Variants in ETFDH observed in about 807,000 individuals in gnomAD.
The protein encoded by ETFDH is electron transfer flavoprotein dehydrogenase, also known as electron transfer flavoprotein-ubiquinone oxidoreductase, mitochondrial.
ETFDH carries 61 observed loss-of-function variants against 73.2 expected under a neutral mutation model. That is an observed-to-expected ratio of 0.83 (90% CI 0.68 to 1.03). The LOEUF is 1.03. Ranked by LOEUF, ETFDH falls within the 50% of genes least tolerant of loss-of-function variation. The pLI, the probability that ETFDH is intolerant of heterozygous loss-of-function variation, is 0.00. For missense variants in ETFDH, 685 were observed against 745.0 expected, an observed-to-expected ratio of 0.92 and a Z score of 0.94; for synonymous variants, 243 against 253.3, an observed-to-expected ratio of 0.96 and a Z score of 0.39.
At chr4:158,692,968 T>C (rs1457483309) in intron 6 of ETFDH, among the ~76,000 whole-genome samples, 1 of 151,614 alleles carries the variant, frequency 6.6e-6, no homozygotes, top group Non-Finnish European at 1.5e-5. Context: ...GTTGTATTTA[T>C]ACAGATCTAA....
At chr4:158,690,091 C>G (rs957837958) in intron 5 of ETFDH, among the ~76,000 whole-genome samples, 15 of 152,216 alleles carry the variant, frequency 9.9e-5, no homozygotes, top group Middle Eastern at 3.4e-3. Flanking sequence ...AGTAATCTCT[C>G]TAGTAGTCTC....
At chr4:158,698,919 G>C in intron 8 of ETFDH, 68 bp from the exon 9 acceptor site, 1 of 1,139,960 alleles carries the variant, frequency 8.8e-7, no homozygotes. Flanking sequence ...GATAAACATT[G>C]CTTACATTTT....
intron 1 of ETFDH, among the ~76,000 whole-genome samples, chr4:158,678,004 A>C (rs935160354): frequency 1.1e-4 from 16 of 152,230 alleles, no homozygotes; most frequent in Non-Finnish European, 1.5e-4. Flanking sequence ...TTATCACCAT[A>C]ATCTTTTTAA....
intron 5 of ETFDH, among the ~76,000 whole-genome samples, chr4:158,687,503 A>G (rs1774036192): frequency 6.6e-6 from 1 of 152,182 alleles, no homozygotes; most frequent in African/African-American, 2.4e-5. Context: ...TTCAGCCATG[A>G]CGGTACATAA....
Position 158,684,484 on chromosome 4 carries a change from G to A in ETFDH, c.406-108G>A, listed in dbSNP as rs1000355136. On this transcript the variant is annotated intron_variant, in intron 3 of 12. Coordinates refer to ENST00000511912, the MANE Select transcript of ETFDH (RefSeq NM_004453.4). ...AAGGAAATGCCAAAAGAAAATTAGG[G>A]GGGAGTTCTTTTTTTGTCATCAGAG... 8 of 654,056 alleles carry A rather than the reference G, an allele frequency of 1.2e-5. No individual in the cohort carries two copies. The African/African-American group carries it at 1.3e-4, about 11-fold the overall frequency. 40.5% of individuals were successfully genotyped at this position (654,056 alleles called of 1,614,324 possible).
chr4:158,697,188 G>A (rs957493814), intron 7 of ETFDH, among the ~76,000 whole-genome samples: 5 of 151,782 alleles, frequency 3.3e-5, no homozygotes, highest in Admixed American at 2.6e-4. Flanking sequence ...TCTGCCTCCC[G>A]GGTTCAAGCA....
At chr4:158,676,212 A>T (rs1773707422) in intron 1 of ETFDH, among the ~76,000 whole-genome samples, 1 of 152,094 alleles carries the variant, frequency 6.6e-6, no homozygotes, top group Admixed American at 6.5e-5. Context: ...GGGAGTGCCA[A>T]TTGGTCAGGT....
chr4:158,674,434 T>A (rs1014246129), intron 1 of ETFDH, among the ~76,000 whole-genome samples: 46 of 152,320 alleles, frequency 3.0e-4, no homozygotes, highest in African/African-American at 1.1e-3. Context: ...GCTTCCGTAG[T>A]ACCTGGGATC....
chr4:158,687,910 C>T (rs1022418934), intron 5 of ETFDH, among the ~76,000 whole-genome samples: 3 of 151,438 alleles, frequency 2.0e-5, no homozygotes, highest in Non-Finnish European at 2.9e-5. Flanking sequence ...CATGGCGGCA[C>T]GTGCCTGTAA....
intron 6 of ETFDH, among the ~76,000 whole-genome samples, chr4:158,694,986 G>A (rs1312131078): frequency 6.6e-6 from 1 of 151,986 alleles, no homozygotes; most frequent in East Asian, 1.9e-4. Context: ...ATGAAAAATC[G>A]GTCTTCCATA....
Position 158,690,519 on chromosome 4 carries a change from A to AG in ETFDH, c.684+95dup, listed in dbSNP as rs1774137865. 1.9e-4 allele frequency: 160 copies of AG among 845,524 alleles called. 3 individuals carry two copies. The highest frequency in any genetic ancestry group is 1.9e-3 in the South Asian group (142 of 75,426). The allele number at this position is 845,524 out of a possible 1,614,324, so 52.4% of individuals were successfully genotyped here. On this transcript the variant is annotated intron_variant, in intron 6 of 12. Coordinates refer to ENST00000511912, the MANE Select transcript of ETFDH (RefSeq NM_004453.4). ...AGTGAAACCCCATCTCTCCAAAAAAAGAAAACAAAATTAGCTGGGCTTCGT... is the reference window on the plus strand; with the variant it reads ...AGTGAAACCCCATCTCTCCAAAAAAAGGAAAACAAAATTAGCTGGGCTTCGT...
At chr4:158,695,233 C>G (rs1774278801) in intron 6 of ETFDH, among the ~76,000 whole-genome samples, 1 of 152,154 alleles carries the variant, frequency 6.6e-6, no homozygotes, top group Admixed American at 6.5e-5. Flanking sequence ...TATCCTGTCT[C>G]TCTACATGGA....
chr4:158,680,362 A>G (rs1026438581), intron 1 of ETFDH, 105 bp from the exon 2 acceptor site: 1 of 740,188 alleles, frequency 1.4e-6, no homozygotes, highest in Non-Finnish European at 2.4e-6. Flanking sequence ...AGATTATAGT[A>G]TATTTCACTA....
At position 158,706,670 on chromosome 4, in the gene ETFDH, C is replaced by G. The variant is rs1030030875; in HGVS notation, c.1510C>G (p.Pro504Ala). Residue 504 changes from proline to alanine, a missense_variant, in exon 12 of 13, where the codon CCT becomes GCT. This residue lies in a region of ETFDH where 201 missense variants were observed against 225.2 expected (regional missense o/e 0.89). Coordinates refer to ENST00000511912, the MANE Select transcript of ETFDH (RefSeq NM_004453.4). ...ERLKPAKDCT[P>A]IEYPKPDGQI... ...GCTCAAGCCAGCCAAGGATTGCACACCTATTGAGTATCCAAAACCCGATGG... is the reference window on the plus strand; with the variant it reads ...GCTCAAGCCAGCCAAGGATTGCACAGCTATTGAGTATCCAAAACCCGATGG... The G allele has an allele frequency of 6.2e-7, 1 of 1,614,092 alleles. No homozygotes were observed. Among genetic ancestry groups the G allele is most frequent in the East Asian group, 2.2e-5 (1 of 44,882 alleles).
chr4:158,698,551 C>T (rs1305220991), intron 8 of ETFDH, among the ~76,000 whole-genome samples: 1 of 151,920 alleles, frequency 6.6e-6, no homozygotes, highest in Admixed American at 6.6e-5. Flanking sequence ...TTATTAGTTT[C>T]TTTCAAATTG....
intron 5 of ETFDH, among the ~76,000 whole-genome samples, chr4:158,689,597 T>TAC (rs1774102982): frequency 3.4e-5 from 1 of 29,110 alleles, no homozygotes; most frequent in South Asian, 9.4e-4. Flanking sequence ...AAAACCTTCA[T>TAC]ATATATATAT....
chr4:158,676,329 G>A (rs1008077434), intron 1 of ETFDH, among the ~76,000 whole-genome samples: 5 of 152,162 alleles, frequency 3.3e-5, no homozygotes, highest in South Asian at 2.1e-4. Flanking sequence ...GGTGGTGCCA[G>A]CTGATCCATC....
intron 7 of ETFDH, among the ~76,000 whole-genome samples, chr4:158,696,839 G>A (rs1295357750): frequency 6.6e-6 from 1 of 152,102 alleles, no homozygotes; most frequent in African/African-American, 2.4e-5. Flanking sequence ...ATTTTTACAT[G>A]GTGAACATAT....
At chr4:158,675,582 C>T (rs1773691441) in intron 1 of ETFDH, among the ~76,000 whole-genome samples, 1 of 152,000 alleles carries the variant, frequency 6.6e-6, no homozygotes, top group Non-Finnish European at 1.5e-5. Flanking sequence ...GCTTACACAA[C>T]CCAGTGAGAC....
Sources: gnomAD v4.1 joint callset for allele counts (sites outside exome capture counted in the v4.1 genomes callset) on GRCh38, gnomAD v4.1.1 for gene constraint, gnomAD v4.1.1 regional missense constraint, MANE v1.5 for transcripts, NCBI Gene and HGNC (gene_info 2026-07-23, HGNC 2026-07-21) for gene names.